MYF5: variants seen among roughly 807,000 people sequenced by gnomAD.
The protein encoded by MYF5 is myogenic factor 5, also known as class C basic helix-loop-helix protein 2.
In MYF5, 20 loss-of-function variants were observed where a neutral mutation model predicts 22.3. That is an observed-to-expected ratio of 0.90 (90% CI 0.63 to 1.30). MYF5 has a LOEUF of 1.30. Ranked by LOEUF, MYF5 falls within the 50% of genes most tolerant of loss-of-function variation. MYF5 has a pLI of 0.00. For missense variants in MYF5, 348 were observed against 325.9 expected (o/e 1.07, Z -0.52); for synonymous variants, 141 against 128.4 (o/e 1.10, Z -0.66).
Position 80,717,185 on chromosome 12 carries a change from C to T in MYF5, c.122C>T (p.Ala41Val), listed in dbSNP as rs375022310. 6.2e-7 allele frequency: 1 copy of T among 1,614,004 alleles called. No homozygotes were observed. Among genetic ancestry groups the T allele is most frequent in the Admixed American group, 1.7e-5 (1 of 60,034 alleles). ...EFVPRVAAFG[A>V]HKAELQGSDE... ...GTGCCGCGAGTGGCTGCCTTCGGAG[C>T]GCACAAAGCAGAGCTGCAGGGCTCA... The change falls in exon 1 of 3, where the codon GCG (alanine) becomes GTG (valine). Residue 41 changes from alanine to valine, a missense_variant. Ala to Val is a moderately conservative substitution (Grantham distance 64, BLOSUM62 0). Coordinates refer to ENST00000228644, the MANE Select transcript of MYF5 (RefSeq NM_005593.3).
At chr12:80,718,261 G>A in intron 1 of MYF5, 97 bp from the exon 2 acceptor site, 2 of 948,382 alleles carry the variant, frequency 2.1e-6, no homozygotes, top group Admixed American at 1.7e-5. Flanking sequence ...GACAGTGTTC[G>A]GTTACAGAGC....
In MYF5 at chr12:80,718,395, G is replaced by C; in HGVS notation, c.539G>C (p.Ser180Thr). 1 of 1,614,102 alleles carries C rather than the reference G, an allele frequency of 6.2e-7. No homozygotes were observed. The highest frequency in any genetic ancestry group is 8.5e-7 in the Non-Finnish European group (1 of 1,179,938). ...CNSPVWSRKS[S>T]TFDSIYCPDV... Reference sequence around the variant, plus strand: ...AGTCCTGTCTGGTCCAGAAAGAGCAGTACTTTTGACAGCATCTACTGTCCT... The same window carrying C: ...AGTCCTGTCTGGTCCAGAAAGAGCACTACTTTTGACAGCATCTACTGTCCT... Residue 180 changes from serine (S) to threonine (T), a missense_variant, in exon 2 of 3, where the codon AGT becomes ACT. By Grantham distance (58) the Ser-to-Thr change is moderately conservative. Transcript: ENST00000228644.
rs1426271707 is a variant in MYF5, at chr12:80,719,417, T to C, written c.*366T>C. ...CTCTGGTGTTTAGAGCTTTATTTTT[T>C]TCTTTAAAACATTAAAACAGCTGAG... On this transcript the variant is annotated 3_prime_UTR_variant, in exon 3 of 3. Coordinates refer to ENST00000228644, the MANE Select transcript of MYF5 (RefSeq NM_005593.3). The C allele has an allele frequency of 6.6e-6, 1 of 151,660 alleles. No individual in the cohort carries two copies. The highest frequency in any genetic ancestry group is 1.5e-5 in the Non-Finnish European group (1 of 67,956). The allele number at this position is 151,660 out of a possible 1,614,324, so 9.4% of individuals were successfully genotyped here.
intron 2 of MYF5, 29 bp downstream of exon 2, chr12:80,718,462 A>T (rs771523596): frequency 1.3e-6 from 2 of 1,540,528 alleles, no homozygotes; most frequent in Admixed American, 3.3e-5. Flanking sequence ...ACAGGAGTTT[A>T]AAGACCAGTT....
In MYF5 at chr12:80,717,418, C is replaced by T. The variant is rs1408823197; in HGVS notation, c.355C>T (p.Pro119Ser). 8.1e-6 allele frequency: 13 copies of T among 1,614,156 alleles called. No individual in the cohort carries two copies. The highest frequency in any genetic ancestry group is 4.4e-5 in the South Asian group (4 of 91,086). ...CACGACCAACCCCAACCAGAGGCTG[C>T]CCAAGGTGGAGATCCTCAGGAATGC... ...CTTTNPNQRLPKVEILRNAIR... is the reference protein window; with the variant it reads ...CTTTNPNQRLSKVEILRNAIR... The change falls in exon 1 of 3, where the codon CCC (proline) becomes TCC (serine). Residue 119 changes from proline to serine, a missense_variant. By Grantham distance (74) the Pro-to-Ser change is moderately conservative (BLOSUM62 -1). Transcript: ENST00000228644.
At position 80,718,876 on chromosome 12, in the gene MYF5, A is replaced by C; in HGVS notation, c.593A>C (p.Lys198Thr). ...GTATCCTTAGTATATGCCACAGATA[A>C]AAACTCCTTATCCAGCTTGGATTGC... is the stretch of plus-strand genomic sequence containing the variant. ...PDVSNVYATDKNSLSSLDCLS... is the reference protein window; with the variant it reads ...PDVSNVYATDTNSLSSLDCLS... Residue 198 changes from lysine to threonine, a missense_variant, in exon 3 of 3, where the codon AAA becomes ACA. Lys to Thr is a moderately conservative substitution (Grantham distance 78). Coordinates refer to ENST00000228644, the MANE Select transcript of MYF5 (RefSeq NM_005593.3). 3 of 1,613,532 alleles carry C rather than the reference A, an allele frequency of 1.9e-6. No individual in the cohort carries two copies. Among genetic ancestry groups the C allele is most frequent in the Non-Finnish European group, 2.5e-6 (3 of 1,179,568 alleles).
intron 1 of MYF5, among the ~76,000 whole-genome samples, chr12:80,717,799 G>A (rs1868644736): frequency 6.6e-6 from 1 of 152,138 alleles, no homozygotes; most frequent in Non-Finnish European, 1.5e-5. Context: ...CATGGAAGAT[G>A]GGTGGCTGTG....
Position 80,717,393 on chromosome 12 carries a change from C to A in MYF5, c.330C>A (p.Thr110=), listed in dbSNP as rs748820881. ...NQAFETLKRC[T]TTNPNQRLPK... ...CTTTCGAAACCCTCAAGAGGTGTAC[C>A]ACGACCAACCCCAACCAGAGGCTGC... is the stretch of plus-strand genomic sequence containing the variant. Residue 110 remains threonine (T), a synonymous_variant, in exon 1 of 3, where the codon ACC becomes ACA. Coordinates refer to ENST00000228644, the MANE Select transcript of MYF5 (RefSeq NM_005593.3). The A allele has an allele frequency of 1.9e-6, 3 of 1,614,132 alleles. No homozygotes were observed. Among genetic ancestry groups the A allele is most frequent in the Non-Finnish European group, 2.5e-6 (3 of 1,180,018 alleles).
chr12:80,718,820 G>T, intron 2 of MYF5, 41 bp from the exon 3 acceptor site: 1 of 1,519,294 alleles, frequency 6.6e-7, no homozygotes, highest in East Asian at 2.3e-5. Flanking sequence ...TGTCTATCTT[G>T]GGCTAATTAT....
In MYF5 at chr12:80,717,008, C is replaced by G. The variant is rs1868616665; in HGVS notation, c.-56C>G. ...CCCATCGGCGGAGGCGCCAGGCTCC[C>G]GTTTCTCCCCATCCCTCTCGCTGCC... On this transcript the variant is annotated 5_prime_UTR_variant, in exon 1 of 3. Coordinates refer to ENST00000228644, the MANE Select transcript of MYF5 (RefSeq NM_005593.3). The G allele has an allele frequency of 7.1e-6, 11 of 1,541,886 alleles. 1 individual carries two copies. The highest frequency in any genetic ancestry group is 1.8e-5 in the Admixed American group (1 of 55,418).
intron 1 of MYF5, among the ~76,000 whole-genome samples, chr12:80,718,149 T>C (rs1342665458): frequency 6.6e-6 from 1 of 152,170 alleles, no homozygotes; most frequent in East Asian, 1.9e-4. Flanking sequence ...CCCTCTTCCC[T>C]TTGCTGCTGC....
chr12:80,718,337 G>C (rs1868657064), intron 1 of MYF5, 21 bp from the exon 2 acceptor site: 7 of 1,610,044 alleles, frequency 4.3e-6, no homozygotes, highest in Admixed American at 3.3e-5. Flanking sequence ...AACAAACTTT[G>C]TTGTGTGTCT....
chr12:80,717,052 C>A lies in MYF5; in HGVS notation c.-12C>A. ...CGCTGCCGTCCAGGTGCACCGCCTG[C>A]CTCTCAGCAGGATGGACGTGATGGA... is the stretch of plus-strand genomic sequence containing the variant. On this transcript the variant is annotated 5_prime_UTR_variant, in exon 1 of 3. Transcript: ENST00000228644. The A allele has an allele frequency of 6.3e-7, 1 of 1,585,644 alleles. No homozygotes were observed. The highest frequency in any genetic ancestry group is 8.6e-7 in the Non-Finnish European group (1 of 1,166,804).
rs1161178069 is a variant in MYF5 at position 80,717,112 on chromosome 12, G to A, written c.49G>A (p.Asp17Asn). The A allele has an allele frequency of 3.1e-6, 5 of 1,612,492 alleles. No homozygotes were observed. The highest frequency in any genetic ancestry group is 4.2e-6 in the Non-Finnish European group (5 of 1,180,016). ...CQFSPSEYFY[D>N]GSCIPSPEGE... ...GTTCTCACCTTCTGAGTACTTCTAC[G>A]ACGGCTCCTGCATACCGTCCCCCGA... is the stretch of plus-strand genomic sequence containing the variant. The change falls in exon 1 of 3, where the codon GAC becomes AAC. Residue 17 changes from aspartate to asparagine, a missense_variant. Coordinates refer to ENST00000228644, the MANE Select transcript of MYF5 (RefSeq NM_005593.3).
At position 80,716,973 on chromosome 12, in the gene MYF5, C is replaced by G; in HGVS notation, c.-91C>G. 6.7e-7 allele frequency: 1 copy of G among 1,488,658 alleles called. No homozygotes were observed. The highest frequency in any genetic ancestry group is 9.0e-7 in the Non-Finnish European group (1 of 1,110,860). 92.2% of individuals were successfully genotyped at this position (1,488,658 alleles called of 1,614,324 possible). ...GGAGCGACAGACTAGGGAGCTCCGCCCGGGATTTGCCCATCGGCGGAGGCG... is the reference window on the plus strand; with the variant it reads ...GGAGCGACAGACTAGGGAGCTCCGCGCGGGATTTGCCCATCGGCGGAGGCG... On this transcript the variant is annotated 5_prime_UTR_variant, in exon 1 of 3. Coordinates refer to ENST00000228644, the MANE Select transcript of MYF5 (RefSeq NM_005593.3).
At position 80,717,515 on chromosome 12, in the gene MYF5, A is replaced by T. The variant is rs762339996; in HGVS notation, c.452A>T (p.Gln151Leu). 7 of 1,614,138 alleles carry T rather than the reference A, an allele frequency of 4.3e-6. No individual in the cohort carries two copies. The African/African-American group carries it at 9.3e-5, about 22-fold the overall frequency. The stretch of plus-strand genomic sequence containing the variant: ...GAGAACTACTATAGCCTGCCGGGAC[A>T]GAGCTGCTCGGAGCCCACCAGCCCC... ...QVENYYSLPG[Q>L]SCSEPTSPTS... is the part of the protein sequence containing the mutation. Residue 151 changes from glutamine to leucine, a missense_variant, in exon 1 of 3, where the codon CAG becomes CTG. Coordinates refer to ENST00000228644, the MANE Select transcript of MYF5 (RefSeq NM_005593.3).
At position 80,717,541 on chromosome 12, in the gene MYF5, AC is replaced by A; in HGVS notation, c.480del (p.Ser161ProfsTer50). The A allele has an allele frequency of 6.2e-7, 1 of 1,613,842 alleles. No individual in the cohort carries two copies. The highest frequency in any genetic ancestry group is 8.5e-7 in the Non-Finnish European group (1 of 1,179,880). On this transcript the variant is annotated frameshift_variant, in exon 1 of 3. Coordinates refer to ENST00000228644, the MANE Select transcript of MYF5 (RefSeq NM_005593.3). LOFTEE classifies it high-confidence loss of function. ...GAGCTGCTCGGAGCCCACCAGCCCC[AC>A]CTCCAACTGCTCTGATGGCATGGTA... ...GQSCSEPTSP[T>X]SNCSDGMPEC...
rs1868614566 is a variant in MYF5 at position 80,716,964 on chromosome 12, G to C, written c.-100G>C. On this transcript the variant is annotated 5_prime_UTR_variant, in exon 1 of 3. Coordinates refer to ENST00000228644, the MANE Select transcript of MYF5 (RefSeq NM_005593.3). ...TTAATTACCGGAGCGACAGACTAGGGAGCTCCGCCCGGGATTTGCCCATCG... is the reference window on the plus strand; with the variant it reads ...TTAATTACCGGAGCGACAGACTAGGCAGCTCCGCCCGGGATTTGCCCATCG... 7.0e-7 allele frequency: 1 copy of C among 1,433,342 alleles called. No homozygotes were observed. Among genetic ancestry groups the C allele is most frequent in the Admixed American group, 2.0e-5 (1 of 49,694 alleles). 88.8% of individuals were successfully genotyped at this position (1,433,342 alleles called of 1,614,324 possible).
rs760985757 is a variant in MYF5 at position 80,717,509 on chromosome 12, C to A, written c.446C>A (p.Pro149Gln). The A allele has an allele frequency of 1.2e-6, 2 of 1,614,054 alleles. No homozygotes were observed. The highest frequency in any genetic ancestry group is 1.7e-6 in the Non-Finnish European group (2 of 1,180,012). Reference sequence around the variant, plus strand: ...CAGGTGGAGAACTACTATAGCCTGCCGGGACAGAGCTGCTCGGAGCCCACC... The same window carrying A: ...CAGGTGGAGAACTACTATAGCCTGCAGGGACAGAGCTGCTCGGAGCCCACC... Reference protein sequence around the residue: ...REQVENYYSLPGQSCSEPTSP... With the variant: ...REQVENYYSLQGQSCSEPTSP... The change falls in exon 1 of 3, where the codon CCG (proline) becomes CAG (glutamine). Residue 149 changes from proline to glutamine, a missense_variant. By Grantham distance (76) the Pro-to-Gln change is moderately conservative. Transcript: ENST00000228644.
Sources: gnomAD v4.1 joint callset for allele counts (sites outside exome capture counted in the v4.1 genomes callset) on GRCh38, gnomAD v4.1.1 for gene constraint, MANE v1.5 for transcripts, NCBI Gene and HGNC (gene_info 2026-07-23, HGNC 2026-07-21) for gene names.